The following SIDT1 variants were observed in gnomAD, a reference collection of about 807,000 sequenced individuals.
SIDT1 encodes the protein SID1 transmembrane family member 1, also known as SID1 transmembrane family, member 1.
In SIDT1, 101 loss-of-function variants were observed where a neutral mutation model predicts 107.5. That is an observed-to-expected ratio of 0.94 (90% CI 0.80 to 1.11). The LOEUF is 1.11. Ranked by LOEUF, SIDT1 falls within the 50% of genes least tolerant of loss-of-function variation. SIDT1 has a pLI of 0.00. For missense variants in SIDT1, 1,076 were observed against 1,058.2 expected (o/e 1.02, Z -0.23); for synonymous variants, 395 against 398.2 (o/e 0.99, Z 0.10).
chr3:113,618,041 A>G (rs1451908524), intron 20 of SIDT1, among the ~76,000 whole-genome samples: 1 of 152,194 alleles, frequency 6.6e-6, no homozygotes, highest in East Asian at 1.9e-4. Flanking sequence ...ATCATACAAG[A>G]CAGTTCCACT....
chr3:113,614,944 C>A (rs1945998838), intron 19 of SIDT1: 1 of 1,055,666 alleles, frequency 9.5e-7, no homozygotes, highest in Non-Finnish European at 1.4e-6. Flanking sequence ...AATCAGAAAG[C>A]AAAATTAAAG....
chr3:113,619,900 C>A, intron 21 of SIDT1, 174 bp downstream of exon 21: 1 of 612,164 alleles, frequency 1.6e-6, no homozygotes, highest in Non-Finnish European at 2.9e-6. Flanking sequence ...GCAATTGTAG[C>A]CTCTCTTAAA....
chr3:113,629,957 C>T (rs954497896), downstream of SIDT1, among the ~76,000 whole-genome samples: 3 of 152,258 alleles, frequency 2.0e-5, no homozygotes, highest in East Asian at 1.9e-4. Context: ...GCCAGTCTCA[C>T]GGTTGGAGGA....
At chr3:113,633,116 G>C (rs542824928), downstream of SIDT1, 2 of 152,186 alleles carry the variant, frequency 1.3e-5, no homozygotes, top group South Asian at 4.2e-4. Flanking sequence ...TGAATTCCTC[G>C]AGAGCATATT....
chr3:113,579,409 T>C (rs543287779), intron 4 of SIDT1, among the ~76,000 whole-genome samples: 1 of 152,194 alleles, frequency 6.6e-6, no homozygotes, highest in South Asian at 2.1e-4. Context: ...ACAGTATGGG[T>C]TTCCTGGGAA....
At chr3:113,589,861 T>A (rs1243212236) in intron 9 of SIDT1, 1 of 152,930 alleles carries the variant, frequency 6.5e-6, no homozygotes, top group African/African-American at 2.4e-5. Flanking sequence ...ATATGCGTCA[T>A]TCATTCAATA....
chr3:113,604,746 G>C (rs1057269303), intron 13 of SIDT1, among the ~76,000 whole-genome samples, 164 bp from the exon 14 acceptor site: 1 of 152,168 alleles, frequency 6.6e-6, no homozygotes. Flanking sequence ...ATGCAAGAGA[G>C]GGGAGAGGAC....
At chr3:113,625,669 T>A (rs993922515) in intron 23 of SIDT1, among the ~76,000 whole-genome samples, 1 of 152,246 alleles carries the variant, frequency 6.6e-6, no homozygotes. Context: ...CACCTTTTCA[T>A]ATGCCTGTTT....
downstream of SIDT1, among the ~76,000 whole-genome samples, chr3:113,630,231 C>T (rs984125446): frequency 6.6e-6 from 1 of 152,172 alleles, no homozygotes; most frequent in East Asian, 1.9e-4. Context: ...AGCAGTTCAG[C>T]TGGAGCAGGA....
chr3:113,603,056 C>T lies in SIDT1; in HGVS notation c.1169C>T (p.Pro390Leu). ...CAGATGTCCTCCTCCGATGGTGGGC[C>T]ACCGGGCCAGTCAGACACAGACAGC... ...GRQMSSSDGG[P>L]PGQSDTDSSV... is the part of the protein sequence containing the mutation. The change falls in exon 12 of 25, where the codon CCA becomes CTA. Residue 390 changes from proline (P) to leucine (L), a missense_variant. Coordinates refer to ENST00000264852, the MANE Select transcript of SIDT1 (RefSeq NM_017699.3). 1 of 1,614,078 alleles carries T rather than the reference C, an allele frequency of 6.2e-7. No homozygotes were observed. Among genetic ancestry groups the T allele is most frequent in the Non-Finnish European group, 8.5e-7 (1 of 1,179,994 alleles).
chr3:113,618,600 G>T (rs1392567781), intron 20 of SIDT1, among the ~76,000 whole-genome samples: 1 of 152,112 alleles, frequency 6.6e-6, no homozygotes, highest in Non-Finnish European at 1.5e-5. Context: ...CACTGTTTGA[G>T]GATTTTAGCC....
intron 21 of SIDT1, among the ~76,000 whole-genome samples, chr3:113,621,424 GTGAGACCC>G (rs763900019): frequency 4.6e-5 from 7 of 151,460 alleles, no homozygotes; most frequent in South Asian, 2.1e-4. Context: ...GGGCAACATG[GTGAGACCC>G]TCTCTCAAAA....
chr3:113,539,844 A>G (rs960786924), intron 1 of SIDT1, among the ~76,000 whole-genome samples: 13 of 152,088 alleles, frequency 8.5e-5, no homozygotes, highest in African/African-American at 3.1e-4. Context: ...CTCTACTAAA[A>G]ATACAAAAAA....
intron 1 of SIDT1, 24 bp downstream of exon 1, chr3:113,533,267 C>G (rs1937679644): frequency 1.4e-6 from 2 of 1,418,360 alleles, no homozygotes; most frequent in Non-Finnish European, 9.3e-7. Context: ...TCCCCTCGCT[C>G]GACTCCTAGA....
At chr3:113,562,488 T>A (rs1941524350) in intron 1 of SIDT1, among the ~76,000 whole-genome samples, 1 of 152,192 alleles carries the variant, frequency 6.6e-6, no homozygotes, top group South Asian at 2.1e-4. Flanking sequence ...AACTGAAGAA[T>A]GGATAAACAG....
intron 23 of SIDT1, among the ~76,000 whole-genome samples, chr3:113,625,660 A>G (rs191590154): frequency 1.3e-5 from 2 of 152,262 alleles, no homozygotes; most frequent in Admixed American, 1.3e-4. Flanking sequence ...GATGTTGAGC[A>G]CCTTTTCATA....
chr3:113,576,633 G>C (rs1942923347), intron 3 of SIDT1, among the ~76,000 whole-genome samples: 1 of 152,120 alleles, frequency 6.6e-6, no homozygotes, highest in African/African-American at 2.4e-5. Flanking sequence ...GGCAAAAGTG[G>C]CTACAAAAGT....
Position 113,608,439 on chromosome 3 carries a change from C to T in SIDT1, c.1623C>T (p.His541=), listed in dbSNP as rs550335898. 86 of 1,613,636 alleles carry T rather than the reference C, an allele frequency of 5.3e-5. No homozygotes were observed. The highest frequency in any genetic ancestry group is 3.3e-4 in the Admixed American group (20 of 59,998). Residue 541 remains histidine (H), a synonymous_variant, in exon 17 of 25, where the codon CAC becomes CAT. Transcript: ENST00000264852. Reference sequence around the variant, plus strand: ...TTCAGGAGTACGGGATTCCCAAACACTTTGGTCTCTTCTACGCTATGGGCA... The same window carrying T: ...TTCAGGAGTACGGGATTCCCAAACATTTTGGTCTCTTCTACGCTATGGGCA... The part of the protein sequence containing the change: ...IFAVEYGIPK[H]FGLFYAMGIA...
chr3:113,612,414 C>T (rs770958797), intron 19 of SIDT1: 2 of 602,348 alleles, frequency 3.3e-6, no homozygotes, highest in South Asian at 3.0e-5. Flanking sequence ...AGCTGAGAAA[C>T]TAAGGTTTGC....
Sources: gnomAD v4.1 joint callset for allele counts (sites outside exome capture counted in the v4.1 genomes callset) on GRCh38, gnomAD v4.1.1 for gene constraint, MANE v1.5 for transcripts, NCBI Gene and HGNC (gene_info 2026-07-23, HGNC 2026-07-21) for gene names.